Variants in IRAK1BP1 observed in about 807,000 individuals in gnomAD.
IRAK1BP1 encodes the protein interleukin 1 receptor associated kinase 1 binding protein 1.
A neutral mutation model predicts 28.0 loss-of-function variants in IRAK1BP1; 24 were observed. The observed-to-expected ratio is 0.86, with a 90% CI of 0.62 to 1.20. The LOEUF (loss-of-function observed/expected upper bound fraction) is 1.20, where lower values mean the gene tolerates loss of function less well. Ranked by LOEUF, IRAK1BP1 falls within the 50% of genes most tolerant of loss-of-function variation. The pLI is 0.00. For missense variants in IRAK1BP1, 336 were observed against 316.7 expected (o/e 1.06, Z -0.46); for synonymous variants, 131 against 116.3 (o/e 1.13, Z -0.81).
chr6:78,903,394 G>A (rs1297333294), downstream of IRAK1BP1, among the ~76,000 whole-genome samples: 1 of 152,068 alleles, frequency 6.6e-6, no homozygotes, highest in East Asian at 1.9e-4. Flanking sequence ...GGGAGGCTGA[G>A]ACATGAAAAT....
intron 1 of IRAK1BP1, among the ~76,000 whole-genome samples, chr6:78,875,479 C>T (rs757092823): frequency 4.7e-5 from 7 of 149,344 alleles, no homozygotes; most frequent in Non-Finnish European, 8.9e-5. Context: ...TGGAATCAAC[C>T]CAGGTGCCCA....
chr6:78,877,175 T>G lies in IRAK1BP1; in HGVS notation c.316-8203T>G, dbSNP rs568982332. On this transcript the variant is annotated intron_variant, in intron 1 of 3. Transcript: ENST00000369940. ...GAAACCCAGAGGATTACAGTTAGGC[T>G]AGGTGTGCCTTTAGTAAAGGCACAG... 4.4e-4 allele frequency among the ~76,000 whole-genome samples: 67 copies of G among 152,094 alleles called. 2 individuals carry two copies. The highest frequency in any genetic ancestry group is 1.8e-4 in the Non-Finnish European group (12 of 68,028).
intron 4 of IRAK1BP1, among the ~76,000 whole-genome samples, chr6:78,918,328 A>T (rs1344346502): frequency 6.6e-6 from 1 of 152,098 alleles, no homozygotes; most frequent in Non-Finnish European, 1.5e-5. Flanking sequence ...TATCAATATT[A>T]ACCCAGTATA....
chr6:78,966,249 G>A, the IRAK1BP1 span, among the ~76,000 whole-genome samples: 1 of 152,160 alleles, frequency 6.6e-6, no homozygotes, highest in Non-Finnish European at 1.5e-5. Flanking sequence ...AAGCATACTT[G>A]AAGTGTGACT....
chr6:78,891,067 G>GA (rs1771640270), intron 2 of IRAK1BP1, among the ~76,000 whole-genome samples: 1 of 151,878 alleles, frequency 6.6e-6, no homozygotes, highest in Non-Finnish European at 1.5e-5. Context: ...ATGCCTCCAA[G>GA]AAAAAAATAA....
At chr6:78,892,016 ATAG>A in intron 2 of IRAK1BP1, among the ~76,000 whole-genome samples, 1 of 152,226 alleles carries the variant, frequency 6.6e-6, no homozygotes, top group Non-Finnish European at 1.5e-5. Flanking sequence ...CATCTGATCA[ATAG>A]AGAATCTTTG....
rs761096371 is a variant in IRAK1BP1, at chr6:78,897,931, C to A, written c.484C>A (p.His162Asn). The change falls in exon 3 of 4, where the codon CAT (histidine) becomes AAT (asparagine). Residue 162 changes from histidine (H) to asparagine (N), a missense_variant. Coordinates refer to ENST00000369940, the MANE Select transcript of IRAK1BP1 (RefSeq NM_001010844.4). The stretch of plus-strand genomic sequence containing the variant: ...TGTCATCAGCCCACCCCAGTTCTAT[C>A]ATACTCCAGGTTCTGTTGAGAATCT... ...SVVISPPQFY[H>N]TPGSVENLRR... The A allele has an allele frequency of 1.9e-6, 3 of 1,613,948 alleles. No individual in the cohort carries two copies. The African/African-American group carries it at 4.0e-5, about 22-fold the overall frequency.
At chr6:78,974,985 T>C in the IRAK1BP1 span, among the ~76,000 whole-genome samples, 653 of 151,430 alleles carry the variant, frequency 4.3e-3, 2 homozygotes, top group African/African-American at 0.014. Flanking sequence ...ACTATTCCAA[T>C]CAATAGAAAA....
intron 4 of IRAK1BP1, chr6:78,939,626 C>A (rs1420491469): frequency 6.6e-6 from 1 of 151,828 alleles, no homozygotes; most frequent in Non-Finnish European, 1.5e-5. Flanking sequence ...TCAATATATA[C>A]ACATACACAC....
At chr6:78,917,733 G>A (rs1293668579) in intron 4 of IRAK1BP1, among the ~76,000 whole-genome samples, 2 of 150,622 alleles carry the variant, frequency 1.3e-5, no homozygotes, top group African/African-American at 4.9e-5. Flanking sequence ...CTTCTCAGCA[G>A]AAAGCTAACA....
intron 4 of IRAK1BP1, chr6:78,938,684 A>G (rs1415265039): frequency 6.6e-6 from 1 of 151,678 alleles, no homozygotes; most frequent in Non-Finnish European, 1.5e-5. Flanking sequence ...ATAGTTAAAT[A>G]TATTTGTTAG....
At chr6:78,948,095 A>G (rs1222640264), downstream of IRAK1BP1, among the ~76,000 whole-genome samples, 1 of 152,182 alleles carries the variant, frequency 6.6e-6, no homozygotes, top group African/African-American at 2.4e-5. Context: ...TCTACAACCG[A>G]AAGTTTGAAA....
At chr6:78,972,712 C>T in the IRAK1BP1 span, among the ~76,000 whole-genome samples, 1 of 151,900 alleles carries the variant, frequency 6.6e-6, no homozygotes, top group Non-Finnish European at 1.5e-5. Flanking sequence ...AACCAAGGCT[C>T]GAGAACTATG....
At chr6:78,896,348 A>C (rs923587607) in intron 2 of IRAK1BP1, among the ~76,000 whole-genome samples, 1 of 150,956 alleles carries the variant, frequency 6.6e-6, no homozygotes, top group Admixed American at 6.6e-5. Flanking sequence ...AAAAAAAAAA[A>C]CAACCTGTGA....
chr6:78,877,275 C>T (rs559734616), intron 1 of IRAK1BP1, among the ~76,000 whole-genome samples: 21 of 152,294 alleles, frequency 1.4e-4, no homozygotes, highest in African/African-American at 5.1e-4. Context: ...AACTTTGGCT[C>T]TGTTAAAAAC....
intron 4 of IRAK1BP1, among the ~76,000 whole-genome samples, chr6:78,915,702 T>C (rs1772542411): frequency 6.6e-6 from 1 of 152,186 alleles, no homozygotes; most frequent in Admixed American, 6.5e-5. Flanking sequence ...CTTTTCTCCT[T>C]CACTTGTGGC....
At chr6:78,938,168 T>G (rs1293996133) in intron 4 of IRAK1BP1, 1 of 151,676 alleles carries the variant, frequency 6.6e-6, no homozygotes, top group Admixed American at 6.6e-5. Flanking sequence ...ATATTGGTAT[T>G]ACTAATACAT....
intron 4 of IRAK1BP1, chr6:78,938,164 G>C (rs933181202): frequency 2.0e-5 from 3 of 151,584 alleles, no homozygotes; most frequent in Admixed American, 1.3e-4. Context: ...AAATATATTG[G>C]TATTACTAAT....
chr6:78,905,352 C>T (rs926770156), downstream of IRAK1BP1, among the ~76,000 whole-genome samples: 3 of 152,134 alleles, frequency 2.0e-5, no homozygotes, highest in African/African-American at 7.2e-5. Flanking sequence ...GAGTTTTGGA[C>T]AGATTTCAGC....
Sources: allele counts gnomAD v4.1 joint callset (sites outside exome capture counted in the v4.1 genomes callset), GRCh38; gene constraint gnomAD v4.1.1; transcripts MANE v1.5; gene names NCBI Gene and HGNC (gene_info 2026-07-23, HGNC 2026-07-21).